The following FANK1 variants were observed in gnomAD, a reference collection of about 807,000 sequenced individuals.
FANK1 encodes the protein fibronectin type 3 and ankyrin repeat domains protein 1.
FANK1 carries 44 observed loss-of-function variants against 45.3 expected under a neutral mutation model. The ratio of observed to expected loss-of-function variants is 0.97; its 90% CI spans 0.76 to 1.25. The LOEUF (loss-of-function observed/expected upper bound fraction) is 1.25, where lower values mean the gene tolerates loss of function less well. Among genes scored for constraint, FANK1 ranks in the 50% most tolerant of loss-of-function variants. FANK1 has a pLI of 0.00. For synonymous variants in FANK1, 149 were observed against 152.5 expected, an observed-to-expected ratio of 0.98 and a Z score of 0.17; for missense variants, 391 against 424.4, an observed-to-expected ratio of 0.92 and a Z score of 0.69.
intron 1 of FANK1, among the ~76,000 whole-genome samples, chr10:125,979,054 T>C (rs1435082516): frequency 6.6e-6 from 1 of 152,190 alleles, no homozygotes; most frequent in Admixed American, 6.5e-5. Context: ...CGTGGAGAGC[T>C]CCTGACCTGA....
At chr10:125,988,418 A>T in intron 2 of FANK1, 133 bp from the exon 3 acceptor site, 1 of 1,260,514 alleles carries the variant, frequency 7.9e-7, no homozygotes, top group South Asian at 1.4e-5. Flanking sequence ...CTCGGAGTTC[A>T]GCAAAGCAGG....
At chr10:125,952,234 C>T (rs1240482727) in intron 1 of FANK1, among the ~76,000 whole-genome samples, 2 of 151,752 alleles carry the variant, frequency 1.3e-5, no homozygotes, top group Non-Finnish European at 2.9e-5. Context: ...TAATTATGTA[C>T]ACTATTTTTT....
rs113190798 is a variant in FANK1 at position 125,983,693 on chromosome 10, A to C, written c.191+3355A>C. On this transcript the variant is annotated intron_variant, in intron 2 of 10. Coordinates refer to ENST00000368693, the MANE Select transcript of FANK1 (RefSeq NM_145235.5). This position sits in a 1 kb window ranked among gnomAD's most constrained non-coding sequence, Gnocchi z 4.3. ...TGGTCCCAGGAGCATTGAGGAACAG[A>C]GGGAACAAGGAGGAAAATAATGGGG... Among the ~76,000 whole-genome samples, 504 of 152,278 alleles carry C rather than the reference A, an allele frequency of 3.3e-3. 1 individual carries two copies. The highest frequency in any genetic ancestry group is 9.7e-3 in the African/African-American group (403 of 41,552).
At chr10:125,941,677 G>T (rs917625827) in intron 1 of FANK1, among the ~76,000 whole-genome samples, 1 of 152,168 alleles carries the variant, frequency 6.6e-6, no homozygotes, top group Non-Finnish European at 1.5e-5. Flanking sequence ...GTACATTATG[G>T]TATATTCACA....
At chr10:125,942,210 A>G (rs1361022705) in intron 1 of FANK1, among the ~76,000 whole-genome samples, 4 of 152,366 alleles carry the variant, frequency 2.6e-5, no homozygotes, top group Admixed American at 6.5e-5. Flanking sequence ...GTGCAAGAGC[A>G]TTGTGAAGAC....
At chr10:125,964,801 G>A (rs558628610) in intron 1 of FANK1, among the ~76,000 whole-genome samples, 64 of 152,274 alleles carry the variant, frequency 4.2e-4, no homozygotes, top group African/African-American at 1.5e-3. Flanking sequence ...TTGCCAACTT[G>A]TTTTCCAAAG....
intron 1 of FANK1, among the ~76,000 whole-genome samples, chr10:125,937,864 A>G (rs1440042320): frequency 6.6e-6 from 1 of 152,226 alleles, no homozygotes; most frequent in East Asian, 1.9e-4. Context: ...AAAGCTGCCT[A>G]TAAAAGTAAC....
At chr10:126,005,085 T>C in intron 7 of FANK1, 36 bp downstream of exon 7, 1 of 1,579,996 alleles carries the variant, frequency 6.3e-7, no homozygotes, top group Non-Finnish European at 8.6e-7. Context: ...GCACATATCG[T>C]TAAGAATCTG....
rs111569492 is a variant in FANK1 at position 125,995,311 on chromosome 10, A to G, written c.317-106A>G. 2,438 of 967,504 alleles carry G rather than the reference A, an allele frequency of 2.5e-3. 27 individuals carry two copies. The highest frequency in any genetic ancestry group is 0.023 in the African/African-American group (1,407 of 61,784). The allele number at this position is 967,504 out of a possible 1,614,324, so 59.9% of individuals were successfully genotyped here. On this transcript the variant is annotated intron_variant, in intron 3 of 10. Transcript: ENST00000368693. ...AAGATATACTTAACAGGAATAGCCA[A>G]GCGCCTTCCTGAAGATGATCCCCTG...
In FANK1 at chr10:126,005,900, CT is replaced by C. The variant is rs564724494; in HGVS notation, c.705+855del. Among the ~76,000 whole-genome samples, 68 of 152,278 alleles carry C rather than the reference CT, an allele frequency of 4.5e-4. 2 individuals carry two copies. In the South Asian group the frequency reaches 0.014, roughly 31 times the overall value. On this transcript the variant is annotated intron_variant, in intron 7 of 10. Transcript: ENST00000368693. ...TACCTGGAAACAGGCAAGTGGTCTA[CT>C]TTTGATTTCACGTTATCAGAAACTG...
chr10:125,954,359 T>G (rs753766496), intron 1 of FANK1, among the ~76,000 whole-genome samples: 1 of 152,200 alleles, frequency 6.6e-6, no homozygotes, highest in Non-Finnish European at 1.5e-5. Flanking sequence ...AGCTAAACCT[T>G]TGAAGAGGAA....
chr10:125,971,993 C>G (rs1232409322), intron 1 of FANK1, among the ~76,000 whole-genome samples: 3 of 152,170 alleles, frequency 2.0e-5, no homozygotes, highest in Non-Finnish European at 4.4e-5. Context: ...AAGTAAGGGA[C>G]TTCTGAGCCA....
intron 1 of FANK1, among the ~76,000 whole-genome samples, chr10:125,950,143 G>A (rs1949103655): frequency 6.7e-6 from 1 of 149,310 alleles, no homozygotes; most frequent in African/African-American, 2.5e-5. Flanking sequence ...TTAAACGTTA[G>A]ACCTAAAACC....
intron 6 of FANK1, among the ~76,000 whole-genome samples, chr10:125,998,471 GCAA>G (rs975712329): frequency 2.1e-4 from 32 of 152,186 alleles, no homozygotes; most frequent in African/African-American, 7.7e-4. Flanking sequence ...AAGAAAAATA[GCAA>G]TCTGAAAAGG....
At chr10:125,991,278 T>TGC (rs60170742) in intron 3 of FANK1, among the ~76,000 whole-genome samples, 2 of 147,076 alleles carry the variant, frequency 1.4e-5, no homozygotes, top group Admixed American at 1.4e-4. Context: ...TGTGTGTGTG[T>TGC]TGGGGGAGTG....
intron 6 of FANK1, among the ~76,000 whole-genome samples, chr10:125,999,664 C>T (rs747480219): frequency 5.3e-5 from 8 of 152,118 alleles, no homozygotes; most frequent in Non-Finnish European, 1.0e-4. Context: ...ATCTGCATCC[C>T]TCTGAGGATG....
chr10:125,912,138 C>G (rs552917624), intron 1 of FANK1, among the ~76,000 whole-genome samples: 2 of 152,200 alleles, frequency 1.3e-5, no homozygotes, highest in African/African-American at 4.8e-5. Flanking sequence ...AACAAACACA[C>G]AGCACGTGTG....
rs188135189 is a variant in FANK1, at chr10:125,977,403, G to A, written c.14-2758G>A. On this transcript the variant is annotated intron_variant, in intron 1 of 10. Coordinates refer to ENST00000368693, the MANE Select transcript of FANK1 (RefSeq NM_145235.5). ...GCTTTGGGGTGTGATCCAGTAGGTGGCGCTTAGGTGAATTGGTCAGTTGCT... is the reference window on the plus strand; with the variant it reads ...GCTTTGGGGTGTGATCCAGTAGGTGACGCTTAGGTGAATTGGTCAGTTGCT... Among the ~76,000 whole-genome samples the A allele has an allele frequency of 1.2e-3, 187 of 152,276 alleles. 1 individual carries two copies. The highest frequency in any genetic ancestry group is 4.4e-3 in the African/African-American group (182 of 41,548).
chr10:125,904,526 C>T (rs1945319910), intron 1 of FANK1, among the ~76,000 whole-genome samples: 1 of 151,618 alleles, frequency 6.6e-6, no homozygotes, highest in African/African-American at 2.4e-5. Flanking sequence ...TCCAGTGATC[C>T]TCCCACCTCA....
Sources: allele counts gnomAD v4.1 joint callset (sites outside exome capture counted in the v4.1 genomes callset), GRCh38; gene constraint gnomAD v4.1.1; non-coding constraint Gnocchi (gnomAD v3.1); transcripts MANE v1.5; gene names NCBI Gene and HGNC (gene_info 2026-07-23, HGNC 2026-07-21).